The following LHFPL6 variants were observed in gnomAD, a reference collection of about 807,000 sequenced individuals.
LHFPL6 encodes LHFPL tetraspan subfamily member 6 protein.
In LHFPL6, 9 loss-of-function variants were observed where a neutral mutation model predicts 20.6. The ratio of observed to expected loss-of-function variants is 0.44; its 90% CI spans 0.26 to 0.76. The LOEUF (loss-of-function observed/expected upper bound fraction) is 0.76, where lower values mean the gene tolerates loss of function less well. Among genes scored for constraint, LHFPL6 ranks in the 30% least tolerant of loss-of-function variants. The pLI, the probability that LHFPL6 is intolerant of heterozygous loss-of-function variation, is 0.20. For missense variants in LHFPL6, 218 were observed against 253.5 expected, an observed-to-expected ratio of 0.86 and a Z score of 0.95; for synonymous variants, 105 against 98.7, an observed-to-expected ratio of 1.06 and a Z score of -0.38.
chr13:39,516,115 G>C (rs1869905863), intron 2 of LHFPL6, among the ~76,000 whole-genome samples: 2 of 152,100 alleles, frequency 1.3e-5, no homozygotes, highest in South Asian at 4.1e-4. Flanking sequence ...GATCCTTCTG[G>C]AATAGTCTCC....
chr13:39,369,782 G>T (rs919332670), intron 3 of LHFPL6, among the ~76,000 whole-genome samples: 1 of 152,010 alleles, frequency 6.6e-6, no homozygotes, highest in Non-Finnish European at 1.5e-5. Context: ...TTTGCTTGAG[G>T]AAGTAAGTGA....
At chr13:39,477,144 C>G (rs1011539314) in intron 2 of LHFPL6, among the ~76,000 whole-genome samples, 1 of 152,022 alleles carries the variant, frequency 6.6e-6, no homozygotes, top group South Asian at 2.1e-4. Flanking sequence ...GTGACTTTAC[C>G]TCCCCCAGGT....
At chr13:39,529,061 T>G (rs910308205) in intron 2 of LHFPL6, among the ~76,000 whole-genome samples, 1 of 152,080 alleles carries the variant, frequency 6.6e-6, no homozygotes, top group Non-Finnish European at 1.5e-5. Context: ...AAAAATAATG[T>G]ACAAAATTCA....
chr13:39,573,513 C>T (rs1872002688), intron 2 of LHFPL6, among the ~76,000 whole-genome samples: 1 of 152,014 alleles, frequency 6.6e-6, no homozygotes, highest in Non-Finnish European at 1.5e-5. Context: ...ATATCTCCAC[C>T]TAAGGAAAAG....
intron 2 of LHFPL6, among the ~76,000 whole-genome samples, chr13:39,485,829 C>T (rs1868706728): frequency 6.6e-6 from 1 of 152,124 alleles, no homozygotes; most frequent in Admixed American, 6.5e-5. Context: ...AACGATTTTG[C>T]ACTTAGCACA....
chr13:39,370,577 A>G (rs1279457204), intron 3 of LHFPL6, among the ~76,000 whole-genome samples: 1 of 152,208 alleles, frequency 6.6e-6, no homozygotes, highest in East Asian at 1.9e-4. Context: ...AGCAATGACC[A>G]GTGCATCAAG....
chr13:39,425,376 T>G (rs1332762418), intron 2 of LHFPL6, among the ~76,000 whole-genome samples: 1 of 152,218 alleles, frequency 6.6e-6, no homozygotes, highest in Non-Finnish European at 1.5e-5. Context: ...CTATAAACAT[T>G]TGTATACAAG....
chr13:39,543,276 T>C (rs1319513084), intron 2 of LHFPL6, among the ~76,000 whole-genome samples: 1 of 152,224 alleles, frequency 6.6e-6, no homozygotes, highest in Non-Finnish European at 1.5e-5. Context: ...TTTGGAGGAA[T>C]TTACTGTCTA....
intron 2 of LHFPL6, among the ~76,000 whole-genome samples, chr13:39,548,304 T>C (rs1357210340): frequency 6.6e-5 from 10 of 152,222 alleles, no homozygotes; most frequent in South Asian, 2.1e-4. Context: ...TGTCCCCTTA[T>C]GGTTGTTGTT....
At chr13:39,599,860 C>A (rs1224975571) in intron 2 of LHFPL6, among the ~76,000 whole-genome samples, 1 of 152,164 alleles carries the variant, frequency 6.6e-6, no homozygotes, top group Non-Finnish European at 1.5e-5. Flanking sequence ...TAAGAAAACA[C>A]CAAATGAGGG....
At position 39,574,293 on chromosome 13, in the gene LHFPL6, T is replaced by C. The variant is rs376528821; in HGVS notation, c.385+26539A>G. Among the ~76,000 whole-genome samples the C allele has an allele frequency of 5.0e-4, 76 of 152,046 alleles. 1 individual carries two copies. The South Asian group carries it at 0.013, about 26-fold the overall frequency. Reference sequence around the variant, plus strand: ...GTCAGGAGAACAAGATCATCCTGGCTAACATGGTGAAACCCCGTCTCTACT... The same window carrying C: ...GTCAGGAGAACAAGATCATCCTGGCCAACATGGTGAAACCCCGTCTCTACT... On this transcript the variant is annotated intron_variant, in intron 2 of 3. Coordinates refer to ENST00000379589, the MANE Select transcript of LHFPL6 (RefSeq NM_005780.3).
chr13:39,472,963 A>C (rs1338956284), intron 2 of LHFPL6, among the ~76,000 whole-genome samples: 1 of 152,132 alleles, frequency 6.6e-6, no homozygotes, highest in African/African-American at 2.4e-5. Context: ...CCAAAACTGC[A>C]GCTGAAATCC....
chr13:39,410,495 G>C (rs1461266797), intron 2 of LHFPL6, among the ~76,000 whole-genome samples: 1 of 152,054 alleles, frequency 6.6e-6, no homozygotes, highest in African/African-American at 2.4e-5. Context: ...TCTCCATCTA[G>C]GATCTAAACA....
intron 2 of LHFPL6, among the ~76,000 whole-genome samples, chr13:39,473,066 C>T (rs979634808): frequency 4.6e-5 from 7 of 151,966 alleles, no homozygotes; most frequent in African/African-American, 1.2e-4. Context: ...CATGTGTCTC[C>T]GGATAATGGA....
intron 2 of LHFPL6, among the ~76,000 whole-genome samples, chr13:39,433,427 GTAAA>G (rs1289378285): frequency 4.6e-5 from 7 of 152,172 alleles, no homozygotes; most frequent in Non-Finnish European, 8.8e-5. Flanking sequence ...TTTATATAAA[GTAAA>G]GAGCATGTAA....
At chr13:39,551,165 G>T (rs992858330) in intron 2 of LHFPL6, among the ~76,000 whole-genome samples, 3 of 152,146 alleles carry the variant, frequency 2.0e-5, no homozygotes, top group Non-Finnish European at 2.9e-5. Context: ...GAATGCCACA[G>T]AGTGGGTAAT....
At chr13:39,486,898 T>C (rs926830869) in intron 2 of LHFPL6, among the ~76,000 whole-genome samples, 4 of 152,228 alleles carry the variant, frequency 2.6e-5, no homozygotes, top group Non-Finnish European at 5.9e-5. Flanking sequence ...ATCATTTGCA[T>C]ATCCCTGTTA....
At position 39,519,848 on chromosome 13, in the gene LHFPL6, A is replaced by T. The variant is rs527855564; in HGVS notation, c.385+80984T>A. On this transcript the variant is annotated intron_variant, in intron 2 of 3. Coordinates refer to ENST00000379589, the MANE Select transcript of LHFPL6 (RefSeq NM_005780.3). ...TCTGGGTATTACTAACCAAGGGGGGAAAAAAATAATGAGGTTAAATCTACC... is the reference window on the plus strand; with the variant it reads ...TCTGGGTATTACTAACCAAGGGGGGTAAAAAATAATGAGGTTAAATCTACC... 8.2e-5 allele frequency among the ~76,000 whole-genome samples: 11 copies of T among 133,952 alleles called. No homozygotes were observed. In the East Asian group the frequency reaches 2.4e-3, roughly 30 times the overall value. 87.9% of individuals were successfully genotyped at this position (133,952 alleles called of 152,430 possible).
intron 2 of LHFPL6, among the ~76,000 whole-genome samples, chr13:39,574,026 G>C (rs1872020015): frequency 6.6e-6 from 1 of 152,140 alleles, no homozygotes; most frequent in African/African-American, 2.4e-5. Context: ...GTGCGAGACA[G>C]GGAAGGGGCA....
Sources: gnomAD v4.1 joint callset for allele counts (sites outside exome capture counted in the v4.1 genomes callset) on GRCh38, gnomAD v4.1.1 for gene constraint, MANE v1.5 for transcripts, NCBI Gene and HGNC (gene_info 2026-07-23, HGNC 2026-07-21) for gene names.